The following CLPTM1L variants were observed in gnomAD, a reference collection of about 807,000 sequenced individuals.
The protein encoded by CLPTM1L is lipid scramblase CLPTM1L.
Under a neutral mutation model 70.9 loss-of-function variants are expected in CLPTM1L, and 38 were observed. The ratio of observed to expected loss-of-function variants is 0.54; its 90% CI spans 0.41 to 0.70. The LOEUF (loss-of-function observed/expected upper bound fraction) is 0.70. CLPTM1L is among the 30% of genes least tolerant of loss of function. The pLI is 0.00. For synonymous variants in CLPTM1L, 339 were observed against 299.9 expected (o/e 1.13, Z -1.35); for missense variants, 652 against 705.9 (o/e 0.92, Z 0.87).
rs1435390140 is a variant in CLPTM1L at position 1,342,033 on chromosome 5, T to C, written c.264-173A>G. Reference sequence around the variant, plus strand: ...TCGTGTGTGTGTGTGTGTGTGTGTGTGTGTGTGCACGCGCACGCGTGCGCG... The same window carrying C: ...TCGTGTGTGTGTGTGTGTGTGTGTGCGTGTGTGCACGCGCACGCGTGCGCG... On this transcript the variant is annotated intron_variant, in intron 2 of 16. Coordinates refer to ENST00000320895, the MANE Select transcript of CLPTM1L (RefSeq NM_030782.5). This position sits in a 1 kb window ranked among gnomAD's most constrained non-coding sequence, Gnocchi z 4.3. 2.3e-5 allele frequency among the ~76,000 whole-genome samples: 3 copies of C among 132,676 alleles called. No individual in the cohort carries two copies. The highest frequency in any genetic ancestry group is 2.0e-4 in the East Asian group (1 of 5,100). 87.0% of individuals were successfully genotyped at this position (132,676 alleles called of 152,430 possible). A position where few individuals can be genotyped will look rare whatever the true frequency, so the allele number is the denominator to read the frequency against.
In CLPTM1L at chr5:1,318,202, T is replaced by TACC. The variant is rs1011602179; in HGVS notation, c.*164_*166dup. On this transcript the variant is annotated 3_prime_UTR_variant, in exon 17 of 17. Transcript: ENST00000320895. This position sits in a 1 kb window ranked among gnomAD's most constrained non-coding sequence, Gnocchi z 8.9. ...TCACACGTGGGGGCATCGTAAGCGC[T>TACC]ACCAGCTCCAAATCTGACGTGATGG... 1.3e-5 allele frequency: 8 copies of TACC among 620,728 alleles called. No individual in the cohort carries two copies. The African/African-American group carries it at 1.5e-4, about 11-fold the overall frequency. The allele number at this position is 620,728 out of a possible 1,614,324, so 38.5% of individuals were successfully genotyped here.
At chr5:1,327,537 T>C (rs1483203736) in intron 9 of CLPTM1L, among the ~76,000 whole-genome samples, 7 of 146,994 alleles carry the variant, frequency 4.8e-5, no homozygotes, top group Non-Finnish European at 9.0e-5. Flanking sequence ...GCTCCTCCTC[T>C]ACAGGGACAT....
At chr5:1,327,681 C>G (rs1752709101) in intron 9 of CLPTM1L, among the ~76,000 whole-genome samples, 1 of 150,328 alleles carries the variant, frequency 6.7e-6, no homozygotes, top group African/African-American at 2.5e-5. Context: ...AGCTCCTCCT[C>G]TACAGACACA....
At chr5:1,331,039 A>G (rs1050555113) in intron 8 of CLPTM1L, 1 of 152,708 alleles carries the variant, frequency 6.5e-6, no homozygotes, top group African/African-American at 2.4e-5. Context: ...CTGATACTGG[A>G]GCCAAATGCT....
chr5:1,345,089 C>T lies in CLPTM1L; in HGVS notation c.-248G>A, dbSNP rs572858787. 3.2e-3 allele frequency: 497 copies of T among 152,970 alleles called. No homozygotes were observed. The highest frequency in any genetic ancestry group is 0.011 in the South Asian group (54 of 4,990). The allele number at this position is 152,970 out of a possible 1,614,324, so 9.5% of individuals were successfully genotyped here. A position where few individuals can be genotyped will look rare whatever the true frequency, so the allele number is the denominator to read the frequency against. On this transcript the variant is annotated 5_prime_UTR_variant, in exon 1 of 17. Coordinates refer to ENST00000320895, the MANE Select transcript of CLPTM1L (RefSeq NM_030782.5). ...GCGCGCCGCTTCCGGGCCCCGCCGC[C>T]TGCCGGAAGTGGACGCGCCGCGCGG...
At chr5:1,327,463 C>T (rs1463935206) in intron 9 of CLPTM1L, among the ~76,000 whole-genome samples, 1 of 148,710 alleles carries the variant, frequency 6.7e-6, no homozygotes, top group Non-Finnish European at 1.5e-5. Flanking sequence ...AGGGACATTC[C>T]ATCCAGCTCC....
Position 1,341,830 on chromosome 5 carries a change from C to T in CLPTM1L, c.294G>A (p.Thr98=), listed in dbSNP as rs767569789. ...RTVNVSVPKK[T]RNNGTLYAYI... is the part of the protein sequence containing the mutation. ...AGGCATACAGCGTCCCATTGTTTCT[C>T]GTTTTCTTTGGTACAGAAACATTAA... Residue 98 remains threonine, a synonymous_variant, in exon 3 of 17, where the codon ACG becomes ACA. Transcript: ENST00000320895. 1.1e-5 allele frequency: 17 copies of T among 1,613,646 alleles called. No individual in the cohort carries two copies. Among genetic ancestry groups the T allele is most frequent in the South Asian group, 4.4e-5 (4 of 91,054 alleles).
At position 1,331,874 on chromosome 5, in the gene CLPTM1L, CAA is replaced by C; in HGVS notation, c.899_900del (p.Phe300Ter). The C allele has an allele frequency of 6.2e-7, 1 of 1,613,254 alleles. No individual in the cohort carries two copies. Among genetic ancestry groups the C allele is most frequent in the Non-Finnish European group, 8.5e-7 (1 of 1,179,848 alleles). ...TFFVAAFHLLFDFLAFKNDIS... is the reference protein window; with the variant it reads ...TFFVAAFHLLXDFLAFKNDIS... ...ATGTCATTTTTAAAGGCCAGGAAAT[CAA>C]AGAGAAGCTAGAGAGAACACACACG... is the stretch of plus-strand genomic sequence containing the variant. On this transcript the variant is annotated frameshift_variant, in exon 8 of 17. Coordinates refer to ENST00000320895, the MANE Select transcript of CLPTM1L (RefSeq NM_030782.5). LOFTEE classifies it high-confidence loss of function.
intron 14 of CLPTM1L, 40 bp from the exon 15 acceptor site, chr5:1,321,719 C>G: frequency 6.2e-7 from 1 of 1,613,988 alleles, no homozygotes; most frequent in South Asian, 1.1e-5. Context: ...CTGTGGGCAG[C>G]ACAGGAGACG....
At chr5:1,334,784 A>C (rs1561246226) in intron 6 of CLPTM1L, among the ~76,000 whole-genome samples, 3 of 152,088 alleles carry the variant, frequency 2.0e-5, no homozygotes, top group African/African-American at 7.2e-5. Flanking sequence ...CAAACAAACA[A>C]TAAAAATAAA....
At position 1,320,695 on chromosome 5, in the gene CLPTM1L, T is replaced by C; in HGVS notation, c.1453A>G (p.Ile485Val). 6.5e-7 allele frequency: 1 copy of C among 1,548,522 alleles called. No individual in the cohort carries two copies. The highest frequency in any genetic ancestry group is 8.7e-7 in the Non-Finnish European group (1 of 1,145,380). The change falls in exon 16 of 17, where the codon ATC (isoleucine) becomes GTC (valine). Residue 485 changes from isoleucine to valine, a missense_variant. Ile to Val is a conservative substitution (Grantham distance 29, BLOSUM62 3). Around this residue, in one of 3 missense-constraint regions of CLPTM1L, gnomAD observed 240 missense variants for 295.0 expected, o/e 0.81. Coordinates refer to ENST00000320895, the MANE Select transcript of CLPTM1L (RefSeq NM_030782.5). ...NTFIDDVFAF[I>V]ITMPTSHRLA... ...CGGTGAGACGTGGGCATGGTGATGA[T>C]GAAGGCAAAGACGTCATCAATGAAG...
In CLPTM1L at chr5:1,331,901, G is replaced by C; in HGVS notation, c.892-18C>G. On this transcript the variant is annotated intron_variant, in intron 7 of 16. Transcript: ENST00000320895. The stretch of plus-strand genomic sequence containing the variant: ...AAGAGAAGCTAGAGAGAACACACAC[G>C]ACAGCAACTCACATCTCCTGCTGTT... The C allele has an allele frequency of 6.3e-7, 1 of 1,599,584 alleles. No individual in the cohort carries two copies. The highest frequency in any genetic ancestry group is 8.6e-7 in the Non-Finnish European group (1 of 1,167,768).
chr5:1,334,279 G>C lies in CLPTM1L; in HGVS notation c.891+10C>G, dbSNP rs1029784925. On this transcript the variant is annotated intron_variant, in intron 7 of 16. Transcript: ENST00000320895. ...AGTGCCTGCGGCAAGCCCCCCGGTG[G>C]ATGACTCACATGGAACGCTGCGACA... 4 of 1,610,258 alleles carry C rather than the reference G, an allele frequency of 2.5e-6. No homozygotes were observed. The highest frequency in any genetic ancestry group is 8.5e-7 in the Non-Finnish European group (1 of 1,176,780).
chr5:1,333,961 C>T (rs1753376774), intron 7 of CLPTM1L, among the ~76,000 whole-genome samples: 1 of 152,254 alleles, frequency 6.6e-6, no homozygotes, highest in South Asian at 2.1e-4. Context: ...AGTGAGATGC[C>T]TGCACCTATT....
intron 5 of CLPTM1L, 27 bp from the exon 6 acceptor site, chr5:1,335,201 C>A: frequency 6.4e-7 from 1 of 1,553,500 alleles, no homozygotes; most frequent in Non-Finnish European, 8.9e-7. Flanking sequence ...CACTGAGGGC[C>A]CTGCCCTCAT....
chr5:1,332,855 T>C (rs1376701656), intron 7 of CLPTM1L, among the ~76,000 whole-genome samples: 1 of 152,230 alleles, frequency 6.6e-6, no homozygotes, highest in East Asian at 1.9e-4. Flanking sequence ...GATACACATA[T>C]TCAGACATCC....
intron 2 of CLPTM1L, among the ~76,000 whole-genome samples, chr5:1,344,100 T>A (rs958859341): frequency 5.9e-5 from 9 of 152,186 alleles, no homozygotes; most frequent in African/African-American, 2.2e-4. Flanking sequence ...AGCCTCCCCG[T>A]CCAGGACATC....
chr5:1,335,484 C>G (rs995489282), intron 5 of CLPTM1L, among the ~76,000 whole-genome samples: 3 of 152,212 alleles, frequency 2.0e-5, no homozygotes, highest in Non-Finnish European at 2.9e-5. Flanking sequence ...CCTGGTGCCC[C>G]GGAGGTGGTG....
At chr5:1,334,989 T>A in intron 6 of CLPTM1L, 68 bp downstream of exon 6, 1 of 1,225,388 alleles carries the variant, frequency 8.2e-7, no homozygotes, top group Admixed American at 1.8e-5. Context: ...TGTGTCAGGA[T>A]TCGCACTTGG....
Sources: gnomAD v4.1 joint callset for allele counts (sites outside exome capture counted in the v4.1 genomes callset) on GRCh38, gnomAD v4.1.1 for gene constraint, gnomAD v4.1.1 regional missense constraint, Gnocchi (gnomAD v3.1) non-coding constraint, MANE v1.5 for transcripts, NCBI Gene and HGNC (gene_info 2026-07-23, HGNC 2026-07-21) for gene names.